The following MOSPD2 variants were observed in gnomAD, a reference collection of about 807,000 sequenced individuals.
The protein encoded by MOSPD2 is motile sperm domain-containing protein 2.
In MOSPD2, 5 loss-of-function variants were observed where a neutral mutation model predicts 41.7. The ratio of observed to expected loss-of-function variants is 0.12; its 90% CI spans 0.06 to 0.25. MOSPD2 has a LOEUF of 0.25. Among genes scored for constraint, MOSPD2 ranks in the 10% least tolerant of loss-of-function variants. MOSPD2 has a pLI of 1.00. For synonymous variants in MOSPD2, 115 were observed against 126.9 expected, an observed-to-expected ratio of 0.91 and a Z score of 0.63; for missense variants, 282 against 375.2, an observed-to-expected ratio of 0.75 and a Z score of 2.05.
chrX:14,888,269 C>T (rs1327006773), intron 2 of MOSPD2, among the ~76,000 whole-genome samples: 3 of 107,133 alleles, frequency 2.8e-5, no homozygotes, highest in African/African-American at 1.0e-4. Context: ...AAACTGAACC[C>T]TTCTGATATG....
intron 4 of MOSPD2, among the ~76,000 whole-genome samples, chrX:14,895,711 T>C (rs1281943598): frequency 2.7e-5 from 3 of 112,475 alleles, no homozygotes; most frequent in African/African-American, 9.7e-5. Flanking sequence ...AGTATTTTTA[T>C]GGAGAATTTT....
intron 14 of MOSPD2, among the ~76,000 whole-genome samples, 200 bp from the exon 15 acceptor site, chrX:14,919,472 C>T (rs1229722564): frequency 1.8e-5 from 2 of 111,764 alleles, no homozygotes; most frequent in African/African-American, 6.5e-5. Context: ...TCAGACCTCT[C>T]AAAATGAGAA....
chrX:14,906,367 T>G (rs2092581995), intron 7 of MOSPD2, among the ~76,000 whole-genome samples: 1 of 111,571 alleles, frequency 9.0e-6, no homozygotes, highest in Admixed American at 9.6e-5. Context: ...AAATAAAAGG[T>G]GCTAGGACAA....
chrX:14,907,024 C>CA (rs1267973200), intron 7 of MOSPD2, among the ~76,000 whole-genome samples: 6 of 107,427 alleles, frequency 5.6e-5, no homozygotes, highest in Admixed American at 1.0e-4. Context: ...AACTCTGTCT[C>CA]AAAAAAAAAC....
At chrX:14,918,048 A>T (rs112322896) in intron 13 of MOSPD2, among the ~76,000 whole-genome samples, 3,340 of 111,612 alleles carry the variant, frequency 0.03, 96 homozygotes, top group African/African-American at 0.089. Context: ...GTATTACAGG[A>T]GGGCCTACTT....
chrX:14,907,183 C>T (rs1385720016), intron 7 of MOSPD2, among the ~76,000 whole-genome samples: 1 of 112,255 alleles, frequency 8.9e-6, no homozygotes, highest in Admixed American at 9.4e-5. Flanking sequence ...GATTTCACAC[C>T]TACTAGGGTG....
At chrX:14,888,509 C>T (rs1464631937) in intron 2 of MOSPD2, among the ~76,000 whole-genome samples, 1 of 111,234 alleles carries the variant, frequency 9.0e-6, no homozygotes, top group African/African-American at 3.3e-5. Flanking sequence ...ATGACTTGCT[C>T]CTCCTTGCCT....
intron 2 of MOSPD2, among the ~76,000 whole-genome samples, chrX:14,889,066 A>T (rs1325793387): frequency 1.8e-5 from 2 of 111,509 alleles, no homozygotes; most frequent in Non-Finnish European, 3.8e-5. Context: ...GGTGTCTAGT[A>T]AGGGCCTTCT....
At chrX:14,914,976 T>C (rs2092597847) in intron 11 of MOSPD2, among the ~76,000 whole-genome samples, 1 of 111,898 alleles carries the variant, frequency 8.9e-6, no homozygotes, top group Admixed American at 9.5e-5. Context: ...GTGTGGTATA[T>C]TCTGGAGTGT....
chrX:14,887,207 G>A (rs933690639), intron 2 of MOSPD2, among the ~76,000 whole-genome samples: 5 of 112,070 alleles, frequency 4.5e-5, no homozygotes, highest in African/African-American at 1.6e-4. Context: ...TCTAGTTTTC[G>A]TTATTAGAAT....
In MOSPD2 at chrX:14,897,103, T is replaced by C. The variant is rs983604197; in HGVS notation, c.342T>C (p.Tyr114=). The change falls in exon 5 of 15, where the codon TAT becomes TAC. Residue 114 remains tyrosine, a synonymous_variant. Transcript: ENST00000380492. ...TTAAAGTCTGGATCAGGGTGAAGTA[T>C]CATGTAAAAGACCAGAAAACCATAT... ...GNKLFWIRVK[Y]HVKDQKTILD... 10 of 1,202,475 alleles carry C rather than the reference T, an allele frequency of 8.3e-6. No homozygotes were observed. The highest frequency in any genetic ancestry group is 1.1e-5 in the Non-Finnish European group (10 of 891,435).
In MOSPD2 at chrX:14,916,256, T is replaced by G; in HGVS notation, c.1246T>G (p.Ser416Ala). ...LIMAAEMEQS[S>A]GTGPAELTQF... ...AATGGCTGCAGAAATGGAACAGTCA[T>G]CTGGCACAGGCCCAGCAGAATTAAC... The change falls in exon 13 of 15, where the codon TCT becomes GCT. Residue 416 changes from serine (S) to alanine (A), a missense_variant. This residue lies in a region of MOSPD2 where 94 missense variants were observed against 102.1 expected (regional missense o/e 0.92). Coordinates refer to ENST00000380492, the MANE Select transcript of MOSPD2 (RefSeq NM_152581.4). 1 of 1,212,052 alleles carries G rather than the reference T, an allele frequency of 8.3e-7. No individual in the cohort carries two copies. The highest frequency in any genetic ancestry group is 1.1e-6 in the Non-Finnish European group (1 of 895,486).
intron 2 of MOSPD2, among the ~76,000 whole-genome samples, chrX:14,881,769 G>A (rs1337517629): frequency 8.9e-6 from 1 of 112,295 alleles, no homozygotes; most frequent in Admixed American, 9.4e-5. Flanking sequence ...ATCAGAATAA[G>A]AGGAAAAGAT....
chrX:14,882,389 A>C (rs1477823668), intron 2 of MOSPD2, among the ~76,000 whole-genome samples: 2 of 111,451 alleles, frequency 1.8e-5, no homozygotes, highest in Non-Finnish European at 3.8e-5. Flanking sequence ...AAGGAAACAA[A>C]ATTTCAATCA....
In MOSPD2 at chrX:14,920,439, A is replaced by G. The variant is rs1268526504; in HGVS notation, c.*630A>G. On this transcript the variant is annotated 3_prime_UTR_variant, in exon 15 of 15. Transcript: ENST00000380492. ...TTCCTTAACAGCCTGCCTTTTATTA[A>G]TCTCAGGCTTTTTTATGAACACTCT... 1.3e-6 allele frequency: 1 copy of G among 752,982 alleles called. No homozygotes were observed. Among genetic ancestry groups the G allele is most frequent in the African/African-American group, 2.3e-5 (1 of 43,238 alleles). 62.1% of individuals were successfully genotyped at this position (752,982 alleles called of 1,213,427 possible). A position where few individuals can be genotyped will look rare whatever the true frequency, so the allele number is the denominator to read the frequency against.
intron 2 of MOSPD2, among the ~76,000 whole-genome samples, chrX:14,889,151 C>T (rs1425763981): frequency 9.0e-6 from 1 of 110,956 alleles, no homozygotes; most frequent in Non-Finnish European, 1.9e-5. Flanking sequence ...TTTATAAGGG[C>T]CATAATGCCA....
At chrX:14,889,432 A>G (rs1417556075) in intron 2 of MOSPD2, among the ~76,000 whole-genome samples, 1 of 110,841 alleles carries the variant, frequency 9.0e-6, no homozygotes, top group African/African-American at 3.3e-5. Context: ...CTTACCTTCA[A>G]TGCTCAGTTT....
At chrX:14,883,164 A>G (rs781253040) in intron 2 of MOSPD2, among the ~76,000 whole-genome samples, 2 of 110,511 alleles carry the variant, frequency 1.8e-5, no homozygotes, top group East Asian at 2.8e-4. Context: ...ACTGAACTCC[A>G]GCCTGGGCAA....
At chrX:14,899,150 G>A (rs2092568133) in intron 5 of MOSPD2, among the ~76,000 whole-genome samples, 1 of 88,703 alleles carries the variant, frequency 1.1e-5, no homozygotes, top group African/African-American at 3.5e-5. Flanking sequence ...TCAAAAGGAC[G>A]TTTTACAAGA....
Sources: allele counts gnomAD v4.1 joint callset (sites outside exome capture counted in the v4.1 genomes callset), GRCh38; gene constraint gnomAD v4.1.1; regional missense constraint gnomAD v4.1.1; transcripts MANE v1.5; gene names NCBI Gene and HGNC (gene_info 2026-07-23, HGNC 2026-07-21).